NOL10: variants seen among roughly 807,000 people sequenced by gnomAD.
NOL10 encodes the protein H_NH0074G24.1.
NOL10 carries 58 observed loss-of-function variants against 103.5 expected under a neutral mutation model. The observed-to-expected ratio is 0.56, with a 90% CI of 0.45 to 0.70. The LOEUF (loss-of-function observed/expected upper bound fraction) is 0.70, where lower values mean the gene tolerates loss of function less well. Among genes scored for constraint, NOL10 ranks in the 30% least tolerant of loss-of-function variants. The pLI is 0.00. For synonymous variants in NOL10, 287 were observed against 282.5 expected (o/e 1.02, Z -0.16); for missense variants, 763 against 807.3 (o/e 0.95, Z 0.67).
At chr2:10,591,371 G>A (rs1427277393) in intron 17 of NOL10, among the ~76,000 whole-genome samples, 1 of 152,092 alleles carries the variant, frequency 6.6e-6, no homozygotes, top group Non-Finnish European at 1.5e-5. Context: ...CCCCAGGAGG[G>A]GCCCTGGGGG....
intron 9 of NOL10, 32 bp from the exon 10 acceptor site, chr2:10,659,282 A>G: frequency 7.5e-7 from 1 of 1,339,250 alleles, no homozygotes; most frequent in Non-Finnish European, 1.0e-6. Context: ...CTTCATGAAT[A>G]TACGGCCAAA....
At chr2:10,576,074 T>C (rs1419401751) in intron 20 of NOL10, among the ~76,000 whole-genome samples, 1 of 152,200 alleles carries the variant, frequency 6.6e-6, no homozygotes, top group Non-Finnish European at 1.5e-5. Context: ...CAGGATGTGA[T>C]GAGGTAGTTC....
chr2:10,609,646 T>C (rs1196950328), intron 13 of NOL10, among the ~76,000 whole-genome samples: 1 of 151,966 alleles, frequency 6.6e-6, no homozygotes, highest in Non-Finnish European at 1.5e-5. Flanking sequence ...ATGAGCAAGC[T>C]AGGAAAATCA....
At chr2:10,589,017 C>G (rs542728695) in intron 19 of NOL10, 26 bp downstream of exon 19, 2 of 1,611,010 alleles carry the variant, frequency 1.2e-6, no homozygotes, top group Non-Finnish European at 1.7e-6. Flanking sequence ...TACATGTCAA[C>G]TGTGCGCTCA....
intron 12 of NOL10, among the ~76,000 whole-genome samples, chr2:10,645,944 T>TACATACAC (rs376051375): frequency 3.4e-5 from 5 of 147,592 alleles, no homozygotes; most frequent in African/African-American, 7.4e-5. Flanking sequence ...CACACACACA[T>TACATACAC]ACACACACAC....
intron 19 of NOL10, among the ~76,000 whole-genome samples, chr2:10,580,073 G>A (rs913709610): frequency 2.8e-4 from 42 of 152,310 alleles, no homozygotes; most frequent in African/African-American, 9.1e-4. Context: ...GACAGAGACC[G>A]TGTGTGGAGG....
rs1572240399 is a variant in NOL10, at chr2:10,587,230, T to TATATATAC, written c.1844+1812_1844+1813insGTATATAT. ...ACATATATATATACATATATATACA[T>TATATATAC]ATATATATACATACATATATATATA... On this transcript the variant is annotated intron_variant, in intron 19 of 20. Coordinates refer to ENST00000381685, the MANE Select transcript of NOL10 (RefSeq NM_024894.4). Among the ~76,000 whole-genome samples, 53 of 37,416 alleles carry TATATATAC rather than the reference T, an allele frequency of 1.4e-3. 21 individuals are homozygous for TATATATAC. The highest frequency in any genetic ancestry group is 3.1e-3 in the African/African-American group (19 of 6,100). The allele number at this position is 37,416 out of a possible 152,430, so 24.5% of individuals were successfully genotyped here.
Position 10,589,233 on chromosome 2 carries a change from C to T in NOL10, c.1654G>A (p.Asp552Asn). ...TCTTCAACCCAGGCTTTTTCATCATCTGAACTCTCCGAACTTTCTGCATCA... is the reference window on the plus strand; with the variant it reads ...TCTTCAACCCAGGCTTTTTCATCATTTGAACTCTCCGAACTTTCTGCATCA... ...PSDAESSESS[D>N]DEKAWVEEVR... The change falls in exon 19 of 21, where the codon GAT (aspartate) becomes AAT (asparagine). Residue 552 changes from aspartate (D) to asparagine (N), a missense_variant. Coordinates refer to ENST00000381685, the MANE Select transcript of NOL10 (RefSeq NM_024894.4). 6.2e-7 allele frequency: 1 copy of T among 1,613,936 alleles called. No individual in the cohort carries two copies. Among genetic ancestry groups the T allele is most frequent in the African/African-American group, 1.3e-5 (1 of 75,014 alleles).
At chr2:10,636,292 G>A (rs183375069) in intron 13 of NOL10, among the ~76,000 whole-genome samples, 20 of 151,846 alleles carry the variant, frequency 1.3e-4, no homozygotes, top group Non-Finnish European at 2.4e-4. Flanking sequence ...ATCTTTGGCC[G>A]GGCACAGTGG....
intron 20 of NOL10, among the ~76,000 whole-genome samples, chr2:10,576,139 TAGTCA>T (rs1021283809): frequency 5.9e-5 from 9 of 152,104 alleles, no homozygotes; most frequent in African/African-American, 2.2e-4. Context: ...CTCAACTCAT[TAGTCA>T]TTAGGGACCT....
intron 17 of NOL10, among the ~76,000 whole-genome samples, chr2:10,596,896 T>C (rs1675720883): frequency 6.6e-6 from 1 of 152,218 alleles, no homozygotes; most frequent in Non-Finnish European, 1.5e-5. Context: ...AGATCACAGA[T>C]GCCCATGCCT....
chr2:10,639,445 T>G (rs906769158), intron 13 of NOL10, among the ~76,000 whole-genome samples: 3 of 152,006 alleles, frequency 2.0e-5, no homozygotes, highest in Non-Finnish European at 4.4e-5. Flanking sequence ...CCCAAACAAA[T>G]AGTTTTCCTC....
intron 12 of NOL10, among the ~76,000 whole-genome samples, chr2:10,648,374 C>T (rs115141961): frequency 1.1e-4 from 16 of 152,216 alleles, no homozygotes; most frequent in Non-Finnish European, 1.9e-4. Flanking sequence ...CAAGGAAAAG[C>T]GGAGTGCAAT....
chr2:10,592,655 A>C (rs1406981740), intron 17 of NOL10, among the ~76,000 whole-genome samples: 1 of 152,264 alleles, frequency 6.6e-6, no homozygotes, highest in East Asian at 1.9e-4. Context: ...TATTTATTAA[A>C]GTAATAATCA....
intron 13 of NOL10, among the ~76,000 whole-genome samples, chr2:10,612,763 C>G (rs1052490264): frequency 2.0e-5 from 3 of 152,132 alleles, no homozygotes; most frequent in Non-Finnish European, 4.4e-5. Context: ...CTTGGCCTCC[C>G]AAAGTGCTGG....
intron 13 of NOL10, among the ~76,000 whole-genome samples, chr2:10,642,790 CCT>C (rs1043242135): frequency 5.9e-5 from 9 of 152,264 alleles, no homozygotes; most frequent in African/African-American, 2.2e-4. Context: ...GGAAGTATTC[CCT>C]GAGTGCCAAC....
chr2:10,657,126 C>T (rs1679890828), intron 11 of NOL10, among the ~76,000 whole-genome samples: 2 of 152,238 alleles, frequency 1.3e-5, no homozygotes, highest in South Asian at 2.1e-4. Flanking sequence ...CAAGACCAGA[C>T]TGGCCAACAT....
intron 19 of NOL10, among the ~76,000 whole-genome samples, chr2:10,588,722 TAA>T (rs1358051870): frequency 1.3e-5 from 2 of 152,296 alleles, no homozygotes; most frequent in African/African-American, 2.4e-5. Context: ...TTCTGCAGCT[TAA>T]AAGTGTTCCA....
intron 8 of NOL10, among the ~76,000 whole-genome samples, chr2:10,665,550 G>A (rs1405660077): frequency 2.0e-5 from 3 of 152,122 alleles, no homozygotes; most frequent in Non-Finnish European, 4.4e-5. Flanking sequence ...AGGAATTTCC[G>A]GAAGCCCAGT....
Sources: allele counts gnomAD v4.1 joint callset (sites outside exome capture counted in the v4.1 genomes callset), GRCh38; gene constraint gnomAD v4.1.1; transcripts MANE v1.5; gene names NCBI Gene and HGNC (gene_info 2026-07-23, HGNC 2026-07-21).